MSH4: variants seen among roughly 807,000 people sequenced by gnomAD.
The protein encoded by MSH4 is mutS protein homolog 4.
Under a neutral mutation model 113.7 loss-of-function variants are expected in MSH4, and 106 were observed. The observed-to-expected ratio is 0.93, with a 90% CI of 0.80 to 1.10. MSH4 has a LOEUF of 1.10. Among genes scored for constraint, MSH4 ranks in the 50% least tolerant of loss-of-function variants. The pLI is 0.00. For synonymous variants in MSH4, 368 were observed against 380.2 expected (o/e 0.97, Z 0.37); for missense variants, 1,061 against 1,093.7 (o/e 0.97, Z 0.42).
At position 75,879,106 on chromosome 1, in the gene MSH4, A is replaced by G; in HGVS notation, c.1655A>G (p.Gln552Arg). The G allele has an allele frequency of 6.2e-7, 1 of 1,611,110 alleles. No homozygotes were observed. Among genetic ancestry groups the G allele is most frequent in the South Asian group, 1.1e-5 (1 of 90,918 alleles). ...GATTGTATAGCCCTACCTAGTGATC[A>G]ACTTCCTTCAGAATTTATTAAGGTT... The part of the protein sequence containing the change: ...TTDCIALPSD[Q>R]LPSEFIKISK... Residue 552 changes from glutamine to arginine, a missense_variant, in exon 12 of 20, where the codon CAA becomes CGA. Gln to Arg is a conservative substitution (Grantham distance 43). Coordinates refer to ENST00000263187, the MANE Select transcript of MSH4 (RefSeq NM_002440.4).
chr1:75,907,954 C>T (rs2100597962), intron 19 of MSH4, among the ~76,000 whole-genome samples: 1 of 149,872 alleles, frequency 6.7e-6, no homozygotes, highest in South Asian at 2.1e-4. Flanking sequence ...AAGTGATCTG[C>T]CTGCCTCAGT....
chr1:75,848,363 C>A, intron 8 of MSH4, 87 bp downstream of exon 8: 1 of 1,036,932 alleles, frequency 9.6e-7, no homozygotes, highest in Middle Eastern at 2.8e-4. Flanking sequence ...TGGAAAATAT[C>A]AAAATGTTTT....
intron 19 of MSH4, among the ~76,000 whole-genome samples, chr1:75,909,974 C>T (rs1010432478): frequency 6.6e-6 from 1 of 152,136 alleles, no homozygotes; most frequent in Non-Finnish European, 1.5e-5. Context: ...AAAATCTCCA[C>T]TAAGTTATTA....
intron 1 of MSH4, among the ~76,000 whole-genome samples, chr1:75,803,001 A>T (rs1016953686): frequency 6.6e-6 from 1 of 152,100 alleles, no homozygotes; most frequent in African/African-American, 2.4e-5. Context: ...TAACCTATTA[A>T]ATCATGAATG....
intron 6 of MSH4, among the ~76,000 whole-genome samples, chr1:75,817,912 C>G (rs1469316603): frequency 6.6e-6 from 1 of 151,666 alleles, no homozygotes; most frequent in Non-Finnish European, 1.5e-5. Context: ...AGAATGATGA[C>G]TAAATCTTAA....
At chr1:75,862,110 A>T (rs1369295079) in intron 8 of MSH4, among the ~76,000 whole-genome samples, 2 of 152,096 alleles carry the variant, frequency 1.3e-5, no homozygotes, top group African/African-American at 4.8e-5. Context: ...ACGGAAGGGG[A>T]TCTCCTGGTC....
At chr1:75,900,453 C>G (rs1210508317) in intron 19 of MSH4, among the ~76,000 whole-genome samples, 1 of 150,428 alleles carries the variant, frequency 6.6e-6, no homozygotes, top group African/African-American at 2.4e-5. Context: ...AAGCGCCCAC[C>G]ACCACACCCG....
rs377310135 is a variant in MSH4 at position 75,841,601 on chromosome 1, G to C, written c.1163-6608G>C. Among the ~76,000 whole-genome samples the C allele has an allele frequency of 5.9e-5, 9 of 152,264 alleles. No individual in the cohort carries two copies. The East Asian group carries it at 1.5e-3, about 26-fold the overall frequency. Reference sequence around the variant, plus strand: ...TGGCAGGAAATGAGGATTGAGACTAGACTATGAAGGGCCTTTTTATAATGC... The same window carrying C: ...TGGCAGGAAATGAGGATTGAGACTACACTATGAAGGGCCTTTTTATAATGC... On this transcript the variant is annotated intron_variant, in intron 7 of 19. Transcript: ENST00000263187.
chr1:75,807,764 G>A (rs1234376333), intron 3 of MSH4, among the ~76,000 whole-genome samples: 1 of 143,790 alleles, frequency 7.0e-6, no homozygotes, highest in Non-Finnish European at 1.6e-5. Flanking sequence ...ACCTAGTAAA[G>A]CATTATTTGG....
rs377634601 is a variant in MSH4, at chr1:75,843,389, C to T, written c.1163-4820C>T. On this transcript the variant is annotated intron_variant, in intron 7 of 19. Coordinates refer to ENST00000263187, the MANE Select transcript of MSH4 (RefSeq NM_002440.4). ...ACCCACCCTGTGGGGCTGGACCCTACAGAAAACGAAGGGGTAAGGGGATTC... is the reference window on the plus strand; with the variant it reads ...ACCCACCCTGTGGGGCTGGACCCTATAGAAAACGAAGGGGTAAGGGGATTC... Among the ~76,000 whole-genome samples, 229 of 152,260 alleles carry T rather than the reference C, an allele frequency of 1.5e-3. 1 individual carries two copies. The highest frequency in any genetic ancestry group is 5.2e-3 in the African/African-American group (215 of 41,542).
intron 19 of MSH4, among the ~76,000 whole-genome samples, chr1:75,905,148 G>GT (rs55677113): frequency 0.43 from 63,363 of 147,112 alleles, 13,721 homozygotes; most frequent in African/African-American, 0.5. Context: ...GGTTGTTGTT[G>GT]TTTTTTTTTA....
intron 3 of MSH4, among the ~76,000 whole-genome samples, chr1:75,810,330 T>A (rs568223404): frequency 9.7e-4 from 147 of 151,718 alleles, no homozygotes; most frequent in African/African-American, 3.4e-3. Context: ...CTTTGCCCCC[T>A]GGGCTCAAAC....
At chr1:75,825,787 A>ACTTG (rs1557497884) in intron 7 of MSH4, among the ~76,000 whole-genome samples, 1 of 152,164 alleles carries the variant, frequency 6.6e-6, no homozygotes, top group African/African-American at 2.4e-5. Context: ...CATATGTTGA[A>ACTTG]CTAGCCTTCC....
At chr1:75,829,689 C>G (rs961699389) in intron 7 of MSH4, among the ~76,000 whole-genome samples, 1 of 152,178 alleles carries the variant, frequency 6.6e-6, no homozygotes. Flanking sequence ...TGGATAGGAC[C>G]TCCAGCAAAC....
chr1:75,890,674 A>G, intron 16 of MSH4, 22 bp from the exon 17 acceptor site: 1 of 1,307,568 alleles, frequency 7.6e-7, no homozygotes, highest in Non-Finnish European at 1.0e-6. Flanking sequence ...CAATGAATAA[A>G]TATTAAAATT....
chr1:75,869,938 G>T (rs571513324), intron 9 of MSH4, among the ~76,000 whole-genome samples: 1 of 152,300 alleles, frequency 6.6e-6, no homozygotes, highest in South Asian at 2.1e-4. Flanking sequence ...TAGATCCACC[G>T]ACAGATTGCA....
chr1:75,885,059 G>GTGTGTGTGTGTGTGTGTGTATA (rs1300289205), intron 15 of MSH4, among the ~76,000 whole-genome samples: 1 of 112,550 alleles, frequency 8.9e-6, no homozygotes, highest in Non-Finnish European at 1.7e-5. Context: ...GTGTGTGTGT[G>GTGTGTGTGTGTGTGTGTGTATA]TATATATATA....
At position 75,797,042 on chromosome 1, in the gene MSH4, G is replaced by A; in HGVS notation, c.57G>A (p.Ser19=). 6.2e-7 allele frequency: 1 copy of A among 1,614,074 alleles called. No homozygotes were observed. Among genetic ancestry groups the A allele is most frequent in the Non-Finnish European group, 8.5e-7 (1 of 1,179,976 alleles). The part of the protein sequence containing the change: ...TSPSAPAVSP[S]SGETRSPQGP... ...CTTCTGCCCCGGCGGTTTCCCCGTCGTCGGGAGAAACCCGCTCACCTCAGG... is the reference window on the plus strand; with the variant it reads ...CTTCTGCCCCGGCGGTTTCCCCGTCATCGGGAGAAACCCGCTCACCTCAGG... The change falls in exon 1 of 20, where the codon TCG becomes TCA. Residue 19 remains serine (S), a synonymous_variant. Transcript: ENST00000263187.
intron 17 of MSH4, among the ~76,000 whole-genome samples, chr1:75,892,185 T>TA (rs1303852833): frequency 6.6e-6 from 1 of 152,198 alleles, no homozygotes; most frequent in Non-Finnish European, 1.5e-5. Flanking sequence ...ATCTGTTCTT[T>TA]ACTACCTTCA....
Sources: gnomAD v4.1 joint callset for allele counts (sites outside exome capture counted in the v4.1 genomes callset) on GRCh38, gnomAD v4.1.1 for gene constraint, MANE v1.5 for transcripts, NCBI Gene and HGNC (gene_info 2026-07-23, HGNC 2026-07-21) for gene names.